CTDSPL: variants seen among roughly 807,000 people sequenced by gnomAD.
CTDSPL encodes the protein CTD small phosphatase like.
A neutral mutation model predicts 30.5 loss-of-function variants in CTDSPL; 8 were observed. The observed-to-expected ratio is 0.26, with a 90% CI of 0.15 to 0.47. The LOEUF is 0.47. Among genes scored for constraint, CTDSPL ranks in the 20% least tolerant of loss-of-function variants. The pLI is 0.99. For synonymous variants in CTDSPL, 110 were observed against 137.9 expected, an observed-to-expected ratio of 0.80 and a Z score of 1.42; for missense variants, 248 against 366.1, an observed-to-expected ratio of 0.68 and a Z score of 2.63.
intron 1 of CTDSPL, among the ~76,000 whole-genome samples, chr3:37,913,218 G>T (rs779270614): frequency 3.9e-5 from 6 of 152,184 alleles, no homozygotes; most frequent in Non-Finnish European, 7.3e-5. Context: ...TACTCAGGAG[G>T]CTGAGGTGGG....
At chr3:37,883,049 T>TTCTA (rs1190943488) in intron 1 of CTDSPL, among the ~76,000 whole-genome samples, 1 of 152,240 alleles carries the variant, frequency 6.6e-6, no homozygotes, top group African/African-American at 2.4e-5. Flanking sequence ...GATTTGCCAG[T>TTCTA]TCTACCTTGT....
chr3:37,949,871 T>C (rs979486120), intron 2 of CTDSPL, among the ~76,000 whole-genome samples: 1 of 152,174 alleles, frequency 6.6e-6, no homozygotes, highest in African/African-American at 2.4e-5. Context: ...TCCTGACACC[T>C]TCAGGGTAGA....
intron 1 of CTDSPL, among the ~76,000 whole-genome samples, chr3:37,866,250 AAT>A (rs1698007936): frequency 6.6e-6 from 1 of 152,246 alleles, no homozygotes; most frequent in African/African-American, 2.4e-5. Flanking sequence ...CAGATAGGTG[AAT>A]TTTCAAGACA....
At chr3:37,944,652 G>A (rs1047922617) in intron 1 of CTDSPL, 4 of 150,272 alleles carry the variant, frequency 2.7e-5, no homozygotes, top group African/African-American at 9.7e-5. Flanking sequence ...CAATCCAAGA[G>A]TGATTAGAAA....
intron 2 of CTDSPL, among the ~76,000 whole-genome samples, chr3:37,955,365 C>T (rs775927093): frequency 8.5e-5 from 13 of 152,048 alleles, no homozygotes; most frequent in Non-Finnish European, 1.3e-4. Flanking sequence ...AGTTTGAGGC[C>T]GCAGTGAGCC....
At chr3:37,876,513 G>A (rs1205089637) in intron 1 of CTDSPL, among the ~76,000 whole-genome samples, 1 of 152,038 alleles carries the variant, frequency 6.6e-6, no homozygotes, top group African/African-American at 2.4e-5. Context: ...CATTATAGTG[G>A]GTATTTAGTG....
chr3:37,969,360 C>A, intron 5 of CTDSPL: 1 of 506,326 alleles, frequency 2.0e-6, no homozygotes, highest in South Asian at 1.5e-5. Context: ...GGGAATGAAG[C>A]CACAGGAGCC....
chr3:37,899,397 A>T (rs1698423885), intron 1 of CTDSPL, among the ~76,000 whole-genome samples: 1 of 152,216 alleles, frequency 6.6e-6, no homozygotes, highest in African/African-American at 2.4e-5. Flanking sequence ...AGTCTGTAGC[A>T]CATAACCACT....
chr3:37,896,517 T>G lies in CTDSPL; in HGVS notation c.79+34239T>G, dbSNP rs567690725. Among the ~76,000 whole-genome samples, 3 of 152,300 alleles carry G rather than the reference T, an allele frequency of 2.0e-5. No homozygotes were observed. The South Asian group carries it at 6.2e-4, about 32-fold the overall frequency. ...TTTCAGTGAGGTGGGAAGTGAATGC[T>G]TTAACATTGTGTTATTTTGTTATTT... On this transcript the variant is annotated intron_variant, in intron 1 of 7. Coordinates refer to ENST00000273179, the MANE Select transcript of CTDSPL (RefSeq NM_001008392.2).
intron 1 of CTDSPL, among the ~76,000 whole-genome samples, chr3:37,885,713 A>G (rs1698255188): frequency 6.6e-6 from 1 of 152,150 alleles, no homozygotes; most frequent in Non-Finnish European, 1.5e-5. Flanking sequence ...GCAAAGGGAC[A>G]AGGGGTCTGG....
At chr3:37,977,723 TAA>T (rs879690217) in intron 7 of CTDSPL, among the ~76,000 whole-genome samples, 5 of 143,646 alleles carry the variant, frequency 3.5e-5, no homozygotes, top group African/African-American at 7.6e-5. Flanking sequence ...CCCCATCTCT[TAA>T]AAAAAAAAAA....
intron 1 of CTDSPL, among the ~76,000 whole-genome samples, chr3:37,927,636 A>ATG (rs71094932): frequency 0.22 from 25,471 of 115,378 alleles, 2,842 homozygotes; most frequent in Non-Finnish European, 0.28. Flanking sequence ...AGAAAAATAT[A>ATG]TGTGTGTGTG....
chr3:37,893,096 G>A (rs900534512), intron 1 of CTDSPL, among the ~76,000 whole-genome samples: 2 of 152,218 alleles, frequency 1.3e-5, no homozygotes, highest in Non-Finnish European at 2.9e-5. Context: ...GCCACCAACC[G>A]TGGAGTGGAC....
chr3:37,929,877 G>A (rs1698829652), intron 1 of CTDSPL, among the ~76,000 whole-genome samples: 2 of 152,108 alleles, frequency 1.3e-5, no homozygotes, highest in South Asian at 2.1e-4. Context: ...GGAGGCTGAT[G>A]CAGGTGGATC....
intron 2 of CTDSPL, among the ~76,000 whole-genome samples, chr3:37,953,811 A>G (rs1010861034): frequency 3.9e-5 from 6 of 152,230 alleles, no homozygotes; most frequent in Non-Finnish European, 5.9e-5. Context: ...ATAAACAGCA[A>G]CCAACACAGG....
intron 1 of CTDSPL, among the ~76,000 whole-genome samples, chr3:37,933,752 G>C (rs1200443465): frequency 6.6e-6 from 1 of 152,160 alleles, no homozygotes; most frequent in Non-Finnish European, 1.5e-5. Context: ...GAAGTATATA[G>C]AGCTTGGCAC....
intron 1 of CTDSPL, among the ~76,000 whole-genome samples, chr3:37,925,575 G>A (rs1304743871): frequency 6.6e-6 from 1 of 152,144 alleles, no homozygotes; most frequent in Non-Finnish European, 1.5e-5. Context: ...GCCCTGCAGA[G>A]GCCTCAAACT....
At chr3:37,914,411 C>G (rs988624069) in intron 1 of CTDSPL, among the ~76,000 whole-genome samples, 39 of 152,148 alleles carry the variant, frequency 2.6e-4, no homozygotes, top group African/African-American at 9.4e-4. Flanking sequence ...TTGTCTTATC[C>G]TTGATCTCAG....
Position 37,984,208 on chromosome 3 carries a change from T to C in CTDSPL, c.*3341T>C, listed in dbSNP as rs1308317652. 2.2e-6 allele frequency: 1 copy of C among 456,766 alleles called. No individual in the cohort carries two copies. The highest frequency in any genetic ancestry group is 4.4e-6 in the Non-Finnish European group (1 of 227,018). 28.3% of individuals were successfully genotyped at this position (456,766 alleles called of 1,614,324 possible). ...CTGGCTGCCTCTGTTCCTACTGTAC[T>C]GTAACTTTGATCATGTCTGTTCCTG... On this transcript the variant is annotated 3_prime_UTR_variant, in exon 8 of 8. Transcript: ENST00000273179.
Sources: gnomAD v4.1 joint callset for allele counts (sites outside exome capture counted in the v4.1 genomes callset) on GRCh38, gnomAD v4.1.1 for gene constraint, MANE v1.5 for transcripts, NCBI Gene and HGNC (gene_info 2026-07-23, HGNC 2026-07-21) for gene names.